The following SNX10 variants were observed in gnomAD, a reference collection of about 807,000 sequenced individuals.
SNX10 encodes the protein sorting nexin-10.
In SNX10, 25 loss-of-function variants were observed where a neutral mutation model predicts 28.5. That is an observed-to-expected ratio of 0.88 (90% CI 0.64 to 1.22). The LOEUF is 1.22. Among genes scored for constraint, SNX10 ranks in the 50% most tolerant of loss-of-function variants. The pLI is 0.00. For missense variants in SNX10, 223 were observed against 242.6 expected, an observed-to-expected ratio of 0.92 and a Z score of 0.54; for synonymous variants, 62 against 81.4, an observed-to-expected ratio of 0.76 and a Z score of 1.28.
At position 26,371,803 on chromosome 7, in the gene SNX10, C is replaced by T. The variant is rs761022766; in HGVS notation, c.312-18C>T. The T allele has an allele frequency of 2.3e-6, 3 of 1,314,364 alleles. No homozygotes were observed. The highest frequency in any genetic ancestry group is 2.0e-5 in the Admixed American group (1 of 49,418). The allele number at this position is 1,314,364 out of a possible 1,614,324, so 81.4% of individuals were successfully genotyped here. A position where few individuals can be genotyped will look rare whatever the true frequency, so the allele number is the denominator to read the frequency against. ...CCATCCTGTTCACCAATTATTTTTC[C>T]TTTTTTTTTTAATATAGAGTCCTAC... On this transcript the variant is annotated intron_variant, in intron 5 of 6. Coordinates refer to ENST00000338523, the MANE Select transcript of SNX10 (RefSeq NM_013322.3).
intron 1 of SNX10, among the ~76,000 whole-genome samples, chr7:26,335,597 A>T (rs1787896691): frequency 6.6e-6 from 1 of 152,160 alleles, no homozygotes. Context: ...CTTCCCCAGC[A>T]GATCTGGGAG....
chr7:26,315,749 A>G (rs907351915), intron 1 of SNX10, among the ~76,000 whole-genome samples: 1 of 152,190 alleles, frequency 6.6e-6, no homozygotes, highest in East Asian at 1.9e-4. Flanking sequence ...AAGTGAATTT[A>G]TATTTTCTAT....
intron 1 of SNX10, among the ~76,000 whole-genome samples, chr7:26,327,508 G>C (rs1787549964): frequency 6.6e-6 from 1 of 152,198 alleles, no homozygotes. Context: ...GCACTTGACA[G>C]CTGGTAGATG....
chr7:26,346,299 A>T, intron 1 of SNX10, 121 bp from the exon 2 acceptor site: 1 of 715,184 alleles, frequency 1.4e-6, no homozygotes, highest in Non-Finnish European at 2.5e-6. Flanking sequence ...AGAGGCTCAC[A>T]TGTCAGGGAC....
chr7:26,337,886 T>C (rs1040108515), intron 1 of SNX10, among the ~76,000 whole-genome samples: 12 of 152,224 alleles, frequency 7.9e-5, no homozygotes, highest in Admixed American at 1.3e-4. Flanking sequence ...GGAACTGCTA[T>C]ACTGTTTTCT....
chr7:26,292,039 A>AGCCCG lies in SNX10; in HGVS notation c.-68_-64dup, dbSNP rs959369343. 1.3e-5 allele frequency: 2 copies of AGCCCG among 151,518 alleles called. No homozygotes were observed. Among genetic ancestry groups the AGCCCG allele is most frequent in the African/African-American group, 2.4e-5 (1 of 41,274 alleles). 9.4% of individuals were successfully genotyped at this position (151,518 alleles called of 1,614,324 possible). Reference sequence around the variant, plus strand: ...GAGTCAGCAAACTCCGCGGCCCGCAAGCCCGGCTCGGCCCGGCCCTGCTCT... The same window carrying AGCCCG: ...GAGTCAGCAAACTCCGCGGCCCGCAAGCCCGGCCCGGCTCGGCCCGGCCCTGCTCT... On this transcript the variant is annotated 5_prime_UTR_variant, in exon 1 of 7. Transcript: ENST00000338523.
chr7:26,365,458 CA>C (rs1306158961), intron 5 of SNX10, among the ~76,000 whole-genome samples: 28 of 152,192 alleles, frequency 1.8e-4, no homozygotes, highest in African/African-American at 6.3e-4. Context: ...TGCCAGGAAA[CA>C]AATATGCCTA....
At chr7:26,357,553 C>T (rs1788877005) in intron 2 of SNX10, among the ~76,000 whole-genome samples, 1 of 152,046 alleles carries the variant, frequency 6.6e-6, no homozygotes, top group African/African-American at 2.4e-5. Context: ...AGGAAAGCAA[C>T]ATCATCAGAT....
intron 1 of SNX10, among the ~76,000 whole-genome samples, chr7:26,310,877 G>A (rs1470716301): frequency 1.3e-5 from 2 of 152,008 alleles, no homozygotes; most frequent in African/African-American, 2.4e-5. Context: ...TAGAGATGGC[G>A]TTTCACCGTG....
At chr7:26,372,094 T>A (rs1020529426) in intron 6 of SNX10, 61 bp downstream of exon 6, 4 of 1,071,282 alleles carry the variant, frequency 3.7e-6, no homozygotes, top group Non-Finnish European at 4.1e-6. Flanking sequence ...TATGCACATA[T>A]GCACGTGTAT....
chr7:26,324,345 A>G (rs1432906623), intron 1 of SNX10, among the ~76,000 whole-genome samples: 3 of 152,136 alleles, frequency 2.0e-5, no homozygotes, highest in East Asian at 3.8e-4. Flanking sequence ...GACCAGGAAT[A>G]ATTTATTATG....
At chr7:26,366,635 C>T (rs1789300297) in intron 5 of SNX10, among the ~76,000 whole-genome samples, 1 of 152,208 alleles carries the variant, frequency 6.6e-6, no homozygotes, top group African/African-American at 2.4e-5. Context: ...CCCTGCCACA[C>T]AATTCTACAG....
chr7:26,318,111 C>A (rs1787162822), intron 1 of SNX10, among the ~76,000 whole-genome samples: 1 of 152,172 alleles, frequency 6.6e-6, no homozygotes, highest in Non-Finnish European at 1.5e-5. Flanking sequence ...TTTTAAGACG[C>A]AAATGTTAGA....
At chr7:26,354,699 T>A (rs68112311) in intron 2 of SNX10, among the ~76,000 whole-genome samples, 9 of 151,228 alleles carry the variant, frequency 6.0e-5, no homozygotes, top group East Asian at 1.9e-4. Context: ...TGTTTTTTTT[T>A]AAAATATATT....
chr7:26,315,838 T>C (rs1005977880), intron 1 of SNX10, among the ~76,000 whole-genome samples: 6 of 152,168 alleles, frequency 3.9e-5, no homozygotes, highest in African/African-American at 1.4e-4. Flanking sequence ...TTTATATTTT[T>C]ATCAAATTTG....
intron 3 of SNX10, among the ~76,000 whole-genome samples, chr7:26,363,763 C>G (rs552403324): frequency 2.1e-5 from 1 of 48,574 alleles, no homozygotes; most frequent in African/African-American, 4.9e-5. Context: ...GAAACCAACA[C>G]TTAGTAACTA....
chr7:26,362,877 A>C (rs1243309979), intron 3 of SNX10, among the ~76,000 whole-genome samples: 1 of 152,184 alleles, frequency 6.6e-6, no homozygotes, highest in African/African-American at 2.4e-5. Context: ...CAAATGAAGG[A>C]CTTATGGATC....
intron 1 of SNX10, among the ~76,000 whole-genome samples, chr7:26,299,331 G>T (rs558124896): frequency 6.6e-6 from 1 of 152,270 alleles, no homozygotes; most frequent in African/African-American, 2.4e-5. Context: ...GAGTAGCTGG[G>T]ATTACAGGCA....
Position 26,374,205 on chromosome 7 carries a change from C to T in SNX10, c.*1633C>T, listed in dbSNP as rs1267619984. On this transcript the variant is annotated 3_prime_UTR_variant, in exon 7 of 7. Coordinates refer to ENST00000338523, the MANE Select transcript of SNX10 (RefSeq NM_013322.3). ...CAGTTTTGAAAAACACATACTATGC[C>T]ACCAATTGTCATATTATTTTTAGAT... The T allele has an allele frequency of 6.6e-6, 1 of 151,846 alleles. No homozygotes were observed. Among genetic ancestry groups the T allele is most frequent in the African/African-American group, 2.4e-5 (1 of 41,378 alleles). The allele number at this position is 151,846 out of a possible 1,614,324, so 9.4% of individuals were successfully genotyped here. A position where few individuals can be genotyped will look rare whatever the true frequency, so the allele number is the denominator to read the frequency against.
Sources: gnomAD v4.1 joint callset for allele counts (sites outside exome capture counted in the v4.1 genomes callset) on GRCh38, gnomAD v4.1.1 for gene constraint, MANE v1.5 for transcripts, NCBI Gene and HGNC (gene_info 2026-07-23, HGNC 2026-07-21) for gene names.